Variants in VPS13B observed in about 807,000 individuals in gnomAD.
The protein encoded by VPS13B is intermembrane lipid transfer protein VPS13B.
Under a neutral mutation model 426.4 loss-of-function variants are expected in VPS13B, and 285 were observed. That is an observed-to-expected ratio of 0.67 (90% CI 0.61 to 0.74). VPS13B has a LOEUF of 0.74. VPS13B is among the 30% of genes least tolerant of loss of function. The pLI, the probability that VPS13B is intolerant of heterozygous loss-of-function variation, is 0.00. For synonymous variants in VPS13B, 1,676 were observed against 1,676.4 expected, an observed-to-expected ratio of 1.00 and a Z score of 0.01; for missense variants, 4,537 against 4,782.6, an observed-to-expected ratio of 0.95 and a Z score of 1.51.
rs2130975340 is a variant in VPS13B at position 99,871,481 on chromosome 8, C to T, written c.11529C>T (p.Val3843=). ...KMLQSLGRPE[V]HMALDVVLVR... ...TTCAGTCTCTGGGCAGACCAGAAGT[C>T]CACATGGCCCTGGACGTGGTTCTGG... Residue 3843 remains valine (V), a synonymous_variant, in exon 61 of 62, where the codon GTC becomes GTT. Coordinates refer to ENST00000357162, the MANE Select transcript of VPS13B (RefSeq NM_152564.5). 1 of 1,614,186 alleles carries T rather than the reference C, an allele frequency of 6.2e-7. No individual in the cohort carries two copies. The highest frequency in any genetic ancestry group is 8.5e-7 in the Non-Finnish European group (1 of 1,180,038).
intron 30 of VPS13B, among the ~76,000 whole-genome samples, chr8:99,522,035 C>T (rs1455372134): frequency 5.3e-5 from 8 of 152,072 alleles, no homozygotes; most frequent in East Asian, 1.9e-4. Context: ...GAGCAGAAAG[C>T]GTCTTTAGGA....
At chr8:99,796,136 G>T (rs868283971) in intron 43 of VPS13B, among the ~76,000 whole-genome samples, 6 of 152,230 alleles carry the variant, frequency 3.9e-5, no homozygotes, top group Middle Eastern at 3.4e-3. Flanking sequence ...ATCCAAAAAG[G>T]ATATTTAGGG....
intron 19 of VPS13B, among the ~76,000 whole-genome samples, chr8:99,334,269 C>T (rs1810699929): frequency 6.6e-6 from 1 of 151,984 alleles, no homozygotes; most frequent in Non-Finnish European, 1.5e-5. Flanking sequence ...TTTTACTAAG[C>T]TTGAAATGAT....
chr8:99,270,129 A>ATAT (rs1370378172), intron 17 of VPS13B, among the ~76,000 whole-genome samples: 3 of 16,826 alleles, frequency 1.8e-4, no homozygotes, highest in African/African-American at 4.2e-4. Context: ...AGATATAAGA[A>ATAT]TCTTTTTTTT....
chr8:99,108,468 A>C (rs904808968), intron 5 of VPS13B, among the ~76,000 whole-genome samples: 1 of 152,118 alleles, frequency 6.6e-6, no homozygotes, highest in Non-Finnish European at 1.5e-5. Context: ...GTGAGAGATA[A>C]GGGTCTAGGT....
At chr8:99,623,001 T>A (rs868517401) in intron 33 of VPS13B, among the ~76,000 whole-genome samples, 16 of 152,222 alleles carry the variant, frequency 1.1e-4, no homozygotes, top group African/African-American at 3.9e-4. Flanking sequence ...GCCAGAGTGA[T>A]CCTTTTAAAA....
At position 99,192,932 on chromosome 8, in the gene VPS13B, C is replaced by A. The variant is rs755725532; in HGVS notation, c.2390C>A (p.Thr797Lys). 6.2e-7 allele frequency: 1 copy of A among 1,613,616 alleles called. No individual in the cohort carries two copies. Among genetic ancestry groups the A allele is most frequent in the Non-Finnish European group, 8.5e-7 (1 of 1,179,792 alleles). Reference protein sequence around the residue: ...TEGIFELPNLTIQATRAQTLL... With the variant: ...TEGIFELPNLKIQATRAQTLL... Reference sequence around the variant, plus strand: ...GGTATATTTGAACTTCCAAATCTCACAATTCAAGCTACAAGAGCACAGACA... The same window carrying A: ...GGTATATTTGAACTTCCAAATCTCAAAATTCAAGCTACAAGAGCACAGACA... Residue 797 changes from threonine to lysine, a missense_variant, in exon 17 of 62, where the codon ACA becomes AAA. Transcript: ENST00000357162.
intron 19 of VPS13B, among the ~76,000 whole-genome samples, chr8:99,376,361 T>C (rs547138448): frequency 6.6e-6 from 1 of 152,330 alleles, no homozygotes; most frequent in Admixed American, 6.5e-5. Context: ...ACATTATCTC[T>C]AAATTGTAAT....
intron 17 of VPS13B, among the ~76,000 whole-genome samples, chr8:99,265,018 C>A (rs576419940): frequency 6.6e-6 from 1 of 151,786 alleles, no homozygotes. Flanking sequence ...TTTTTAATTT[C>A]TATGTGCTTG....
At chr8:99,597,197 C>T (rs1207728150) in intron 33 of VPS13B, among the ~76,000 whole-genome samples, 3 of 151,930 alleles carry the variant, frequency 2.0e-5, no homozygotes, top group Non-Finnish European at 4.4e-5. Context: ...ATTATAGGGT[C>T]GCCCTGTGAC....
At chr8:99,128,271 C>T (rs1363406160) in intron 8 of VPS13B, among the ~76,000 whole-genome samples, 1 of 151,208 alleles carries the variant, frequency 6.6e-6, no homozygotes. Flanking sequence ...CCTGTAATCC[C>T]AGCTACTTGG....
At chr8:99,179,142 A>C (rs889482154) in intron 16 of VPS13B, among the ~76,000 whole-genome samples, 48 of 152,160 alleles carry the variant, frequency 3.2e-4, no homozygotes, top group African/African-American at 1.1e-3. Flanking sequence ...GGTGCCTATC[A>C]TGTTAAAACT....
intron 33 of VPS13B, among the ~76,000 whole-genome samples, chr8:99,599,003 G>A (rs1049673657): frequency 2.1e-4 from 32 of 151,820 alleles, no homozygotes; most frequent in African/African-American, 7.0e-4. Context: ...TCTATCCAAT[G>A]TAAAGTTTCC....
chr8:99,824,064 G>A, intron 51 of VPS13B, 86 bp downstream of exon 51: 1 of 1,492,900 alleles, frequency 6.7e-7, no homozygotes, highest in Non-Finnish European at 9.2e-7. Flanking sequence ...TATAGCAAAT[G>A]AAAAGCTAAC....
chr8:99,414,575 T>G (rs1034700693), intron 21 of VPS13B, among the ~76,000 whole-genome samples: 2 of 152,188 alleles, frequency 1.3e-5, no homozygotes, highest in African/African-American at 4.8e-5. Flanking sequence ...CCTTTTTATG[T>G]TTTATGCTTC....
intron 12 of VPS13B, among the ~76,000 whole-genome samples, chr8:99,138,717 T>C (rs1455732684): frequency 3.9e-5 from 6 of 152,350 alleles, no homozygotes; most frequent in Non-Finnish European, 7.3e-5. Flanking sequence ...TATATGAAAG[T>C]GCAACTCAGA....
intron 49 of VPS13B, 39 bp downstream of exon 49, chr8:99,820,161 T>C: frequency 6.3e-7 from 1 of 1,576,678 alleles, no homozygotes; most frequent in Non-Finnish European, 8.7e-7. Flanking sequence ...TTCTTATCTC[T>C]CAACAAGTAG....
In VPS13B at chr8:99,717,057, C is replaced by CA. The variant is rs1468198360; in HGVS notation, c.6455-112dup. ...AAACGGTGGTGGACTGCCAACCAAG[C>CA]AAGACGACTCTGACAAAGGATGAAT... On this transcript the variant is annotated intron_variant, in intron 36 of 61. Coordinates refer to ENST00000357162, the MANE Select transcript of VPS13B (RefSeq NM_152564.5). 7.3e-6 allele frequency: 8 copies of CA among 1,090,530 alleles called. No individual in the cohort carries two copies. In the Admixed American group the frequency reaches 1.6e-4, roughly 22 times the overall value. 67.6% of individuals were successfully genotyped at this position (1,090,530 alleles called of 1,614,324 possible).
chr8:99,048,747 G>A (rs1843363517), intron 3 of VPS13B, among the ~76,000 whole-genome samples: 1 of 151,852 alleles, frequency 6.6e-6, no homozygotes, highest in Non-Finnish European at 1.5e-5. Flanking sequence ...CCTGGGAGGC[G>A]GAGGTTGCTG....
Sources: gnomAD v4.1 joint callset for allele counts (sites outside exome capture counted in the v4.1 genomes callset) on GRCh38, gnomAD v4.1.1 for gene constraint, MANE v1.5 for transcripts, NCBI Gene and HGNC (gene_info 2026-07-23, HGNC 2026-07-21) for gene names.